The following DNM2 variants were observed in gnomAD, a reference collection of about 807,000 sequenced individuals.
DNM2 encodes the protein dynamin 2, also known as dynamin-2.
In DNM2, 15 loss-of-function variants were observed where a neutral mutation model predicts 99.0. The ratio of observed to expected loss-of-function variants is 0.15; its 90% CI spans 0.10 to 0.23. DNM2 has a LOEUF of 0.23. DNM2 is among the 10% of genes least tolerant of loss of function. DNM2 has a pLI of 1.00. For synonymous variants in DNM2, 525 were observed against 481.2 expected, an observed-to-expected ratio of 1.09 and a Z score of -1.19; for missense variants, 742 against 1,189.4, an observed-to-expected ratio of 0.62 and a Z score of 5.53.
intron 1 of DNM2, 84 bp downstream of exon 1, chr19:10,718,487 G>A (rs556107464): frequency 2.3e-4 from 289 of 1,277,072 alleles, no homozygotes; most frequent in African/African-American, 1.8e-3. Flanking sequence ...GTGCGCCGCC[G>A]GCGTAACTGC....
chr19:10,767,538 T>G (rs1181739105), intron 2 of DNM2, among the ~76,000 whole-genome samples: 1 of 152,212 alleles, frequency 6.6e-6, no homozygotes, highest in Non-Finnish European at 1.5e-5. Flanking sequence ...CCTCCAATGA[T>G]TCTCCCACTT....
intron 3 of DNM2, among the ~76,000 whole-genome samples, chr19:10,774,778 TA>T (rs1450373554): frequency 2.7e-4 from 40 of 147,100 alleles, no homozygotes; most frequent in African/African-American, 8.6e-4. Context: ...ATTATATATT[TA>T]TTTTTTTTTT....
chr19:10,826,631 A>G (rs1365431754), intron 18 of DNM2, among the ~76,000 whole-genome samples: 4 of 152,004 alleles, frequency 2.6e-5, no homozygotes, highest in Admixed American at 2.6e-4. Context: ...CATGCCTGTA[A>G]TCCCAGCACT....
At chr19:10,721,338 G>GTAAA (rs1409533463) in intron 1 of DNM2, among the ~76,000 whole-genome samples, 1 of 152,108 alleles carries the variant, frequency 6.6e-6, no homozygotes, top group African/African-American at 2.4e-5. Context: ...TGTATTTTTA[G>GTAAA]CAGAGATGGG....
intron 1 of DNM2, among the ~76,000 whole-genome samples, chr19:10,729,752 T>C (rs34626880): frequency 0.74 from 113,011 of 152,094 alleles, 42,715 homozygotes; most frequent in African/African-American, 0.88. Context: ...CCTCCAGCTC[T>C]ACCTGGGAGC....
At chr19:10,748,490 T>C (rs1223778100) in intron 1 of DNM2, among the ~76,000 whole-genome samples, 1 of 152,156 alleles carries the variant, frequency 6.6e-6, no homozygotes, top group African/African-American at 2.4e-5. Context: ...GGCCGAGCAC[T>C]GTAAGGCTTG....
At position 10,817,364 on chromosome 19, in the gene DNM2, A is replaced by G. The variant is rs1394905367; in HGVS notation, c.1672-2616A>G. The G allele has an allele frequency of 4.2e-6, 2 of 471,890 alleles. No individual in the cohort carries two copies. Among genetic ancestry groups the G allele is most frequent in the Non-Finnish European group, 8.7e-6 (2 of 229,300 alleles). 29.2% of individuals were successfully genotyped at this position (471,890 alleles called of 1,614,324 possible). ...ACAGTGGGAAACGGGGTGGTGGAAA[A>G]TGACACTCACCTGCCGGCGAGTTTG... On this transcript the variant is annotated intron_variant, in intron 15 of 20. Coordinates refer to ENST00000389253, the MANE Select transcript of DNM2 (RefSeq NM_001005361.3). The surrounding 1 kb of genome is among the most constrained non-coding windows in gnomAD (Gnocchi z 4.6).
In DNM2 at chr19:10,718,345, G is replaced by A. The variant is rs1250529305; in HGVS notation, c.103G>A (p.Ala35Thr). Residue 35 changes from alanine to threonine, a missense_variant, in exon 1 of 21, where the codon GCT becomes ACT. Physicochemically the swap from Ala to Thr is moderately conservative, Grantham distance 58 (BLOSUM62 0). Transcript: ENST00000389253. ...CTGCCACCTGGACCTGCCGCAGATCGCTGTAGTGGGCGGCCAGAGCGCCGG... is the reference window on the plus strand; with the variant it reads ...CTGCCACCTGGACCTGCCGCAGATCACTGTAGTGGGCGGCCAGAGCGCCGG... ...QSCHLDLPQI[A>T]VVGGQSAGKS... 1 of 1,522,744 alleles carries A rather than the reference G, an allele frequency of 6.6e-7. No homozygotes were observed. 94.3% of individuals were successfully genotyped at this position (1,522,744 alleles called of 1,614,324 possible).
rs756174348 is a variant in DNM2, at chr19:10,786,665, T to A, written c.951T>A (p.Phe317Leu). The change falls in exon 7 of 21, where the codon TTT becomes TTA. Residue 317 changes from phenylalanine to leucine, a missense_variant. By Grantham distance (22) the Phe-to-Leu change is conservative (BLOSUM62 0). Around this residue, in one of 7 missense-constraint regions of DNM2, gnomAD observed 44 missense variants for 41.3 expected, o/e 1.06. Coordinates refer to ENST00000389253, the MANE Select transcript of DNM2 (RefSeq NM_001005361.3). ...LEKEVEEYKN[F>L]RPDDPTRKTK... ...AGGAGGTGGAGGAGTACAAGAACTT[T>A]CGGCCCGACGACCCCACCCGCAAAA... 2.5e-6 allele frequency: 4 copies of A among 1,614,036 alleles called. No homozygotes were observed. The highest frequency in any genetic ancestry group is 1.1e-5 in the South Asian group (1 of 91,082).
At chr19:10,735,966 T>A (rs2069508487) in intron 1 of DNM2, among the ~76,000 whole-genome samples, 1 of 152,110 alleles carries the variant, frequency 6.6e-6, no homozygotes, top group Admixed American at 6.6e-5. Flanking sequence ...ATATCTTTCT[T>A]CTCTTTTTAG....
intron 6 of DNM2, chr19:10,786,358 A>G (rs1455503833): frequency 1.2e-6 from 1 of 805,052 alleles, no homozygotes; most frequent in Non-Finnish European, 2.0e-6. Context: ...AGCCTCTTAC[A>G]CTCATGGGCA....
At chr19:10,809,660 A>C (rs1422342823) in intron 14 of DNM2, 1 of 152,370 alleles carries the variant, frequency 6.6e-6, no homozygotes, top group African/African-American at 2.4e-5. Context: ...CGGCTCTTAC[A>C]CTTGGACAGC....
chr19:10,738,129 A>C (rs1209388987), intron 1 of DNM2, among the ~76,000 whole-genome samples: 1 of 152,070 alleles, frequency 6.6e-6, no homozygotes, highest in Non-Finnish European at 1.5e-5. Flanking sequence ...GTGGTGGCTC[A>C]TGCTTGTAAT....
chr19:10,822,005 C>T (rs1422455768), intron 16 of DNM2, among the ~76,000 whole-genome samples: 1 of 152,174 alleles, frequency 6.6e-6, no homozygotes, highest in Admixed American at 6.5e-5. Flanking sequence ...AAACCCAACT[C>T]TCACTTAAAG....
In DNM2 at chr19:10,771,822, G is replaced by A. The variant is rs113078900; in HGVS notation, c.236-657G>A. 1.8e-3 allele frequency among the ~76,000 whole-genome samples: 281 copies of A among 152,164 alleles called. 1 individual carries two copies. Among genetic ancestry groups the A allele is most frequent in the African/African-American group, 6.4e-3 (266 of 41,510 alleles). On this transcript the variant is annotated intron_variant, in intron 2 of 20. Coordinates refer to ENST00000389253, the MANE Select transcript of DNM2 (RefSeq NM_001005361.3). ...ATATGCCTGTAATCCCAGAAACTTT[G>A]GTCATTGGTTATGTCTACCTGTTTA... is the stretch of plus-strand genomic sequence containing the variant.
intron 1 of DNM2, among the ~76,000 whole-genome samples, chr19:10,754,363 C>T (rs2070310953): frequency 6.6e-6 from 1 of 150,798 alleles, no homozygotes; most frequent in Non-Finnish European, 1.5e-5. Context: ...TCAAGCGATT[C>T]TGCCTCAGCC....
intron 14 of DNM2, chr19:10,809,430 T>TCGATTGACA (rs1346912556): frequency 6.6e-6 from 1 of 152,338 alleles, no homozygotes; most frequent in Non-Finnish European, 1.5e-5. Flanking sequence ...CTTGTACCAG[T>TCGATTGACA]CGATTGACAT....
intron 17 of DNM2, chr19:10,824,132 A>T (rs1324596516): frequency 1.8e-6 from 1 of 559,870 alleles, no homozygotes; most frequent in Non-Finnish European, 3.2e-6. Context: ...ATGGGGTCCC[A>T]CTTGCTTTGT....
In DNM2 at chr19:10,830,689, T is replaced by A. The variant is rs2073313632; in HGVS notation, c.2544-289T>A. On this transcript the variant is annotated intron_variant, in intron 20 of 20. Transcript: ENST00000389253. The surrounding 1 kb of genome is among the most constrained non-coding windows in gnomAD (Gnocchi z 4.8). ...CCACTGTTTACCTTCTTCTCCTTCC[T>A]GCTCCTGCCTGCCTCAACCTACCGT... Among the ~76,000 whole-genome samples, 1 of 152,152 alleles carries A rather than the reference T, an allele frequency of 6.6e-6. No homozygotes were observed. The highest frequency in any genetic ancestry group is 1.5e-5 in the Non-Finnish European group (1 of 68,018).
Sources: allele counts gnomAD v4.1 joint callset (sites outside exome capture counted in the v4.1 genomes callset), GRCh38; gene constraint gnomAD v4.1.1; regional missense constraint gnomAD v4.1.1; non-coding constraint Gnocchi (gnomAD v3.1); transcripts MANE v1.5; gene names NCBI Gene and HGNC (gene_info 2026-07-23, HGNC 2026-07-21).